The following KLHL7 variants were observed in gnomAD, a reference collection of about 807,000 sequenced individuals.
The protein encoded by KLHL7 is kelch-like protein 7.
Under a neutral mutation model 67.4 loss-of-function variants are expected in KLHL7, and 44 were observed. The observed-to-expected ratio is 0.65, with a 90% CI of 0.51 to 0.84. The LOEUF is 0.84. KLHL7 is among the 40% of genes least tolerant of loss of function. KLHL7 has a pLI of 0.00. For synonymous variants in KLHL7, 252 were observed against 243.3 expected (o/e 1.04, Z -0.33); for missense variants, 362 against 718.1 (o/e 0.50, Z 5.67).
chr7:23,125,587 A>G (rs747845524), intron 4 of KLHL7, among the ~76,000 whole-genome samples: 4 of 152,202 alleles, frequency 2.6e-5, no homozygotes, highest in African/African-American at 4.8e-5. Flanking sequence ...ACGAGCTGGG[A>G]TTGGAACTCA....
intron 1 of KLHL7, among the ~76,000 whole-genome samples, chr7:23,111,380 G>A (rs1782863656): frequency 6.6e-6 from 1 of 152,224 alleles, no homozygotes; most frequent in South Asian, 2.1e-4. Flanking sequence ...GATGGTTCTA[G>A]ATGAAACTGG....
In KLHL7 at chr7:23,138,436, T is replaced by C. The variant is rs1453542999; in HGVS notation, c.443-2333T>C. 1.0e-4 allele frequency among the ~76,000 whole-genome samples: 11 copies of C among 106,382 alleles called. No individual in the cohort carries two copies. In the South Asian group the frequency reaches 2.4e-3, roughly 23 times the overall value. 69.8% of individuals were successfully genotyped at this position (106,382 alleles called of 152,430 possible). A position where few individuals can be genotyped will look rare whatever the true frequency, so the allele number is the denominator to read the frequency against. On this transcript the variant is annotated intron_variant, in intron 4 of 10. Coordinates refer to ENST00000339077, the MANE Select transcript of KLHL7 (RefSeq NM_001031710.3). ...GAGATCGGGCCACTGCACTCCAGCC[T>C]GGGCGACAGAGCAAGACTCCATCTT...
intron 1 of KLHL7, chr7:23,118,022 T>C (rs1783169971): frequency 6.3e-7 from 1 of 1,593,850 alleles, no homozygotes; most frequent in Non-Finnish European, 8.6e-7. Flanking sequence ...CGTGGGGCAG[T>C]TGACTGCATG....
chr7:23,150,495 TTTA>T (rs1784497765), intron 6 of KLHL7, among the ~76,000 whole-genome samples: 2 of 152,162 alleles, frequency 1.3e-5, no homozygotes, highest in Non-Finnish European at 2.9e-5. Context: ...TTCCATATTA[TTTA>T]TTGGAGATCA....
chr7:23,172,783 A>C (rs1785202767), intron 9 of KLHL7, 165 bp from the exon 10 acceptor site: 1 of 595,346 alleles, frequency 1.7e-6, no homozygotes, highest in Admixed American at 2.6e-5. Context: ...ATTACCCATA[A>C]TCATTGTTCA....
At position 23,174,910 on chromosome 7, in the gene KLHL7, T is replaced by C. The variant is rs1295677706; in HGVS notation, c.*612T>C. The C allele has an allele frequency of 4.4e-6, 2 of 454,500 alleles. No homozygotes were observed. The highest frequency in any genetic ancestry group is 1.6e-5 in the South Asian group (1 of 64,466). 28.2% of individuals were successfully genotyped at this position (454,500 alleles called of 1,614,324 possible). On this transcript the variant is annotated 3_prime_UTR_variant, in exon 11 of 11. Transcript: ENST00000339077. ...AATATGTCCAACTCCTCATGAAATA[T>C]ATTCAATCCACTTAAATATATTCCA... is the stretch of plus-strand genomic sequence containing the variant.
intron 1 of KLHL7, chr7:23,117,850 C>T (rs1372090437): frequency 1.9e-6 from 3 of 1,612,378 alleles, no homozygotes; most frequent in Admixed American, 3.3e-5. Flanking sequence ...AAATCTACCA[C>T]CCAGCTGTAG....
At chr7:23,128,533 A>G (rs1783672733) in intron 4 of KLHL7, among the ~76,000 whole-genome samples, 1 of 151,884 alleles carries the variant, frequency 6.6e-6, no homozygotes, top group Non-Finnish European at 1.5e-5. Context: ...GATATATTCT[A>G]GTGATATTTT....
At chr7:23,146,777 T>C (rs1403845839) in intron 6 of KLHL7, among the ~76,000 whole-genome samples, 1 of 152,006 alleles carries the variant, frequency 6.6e-6, no homozygotes, top group African/African-American at 2.4e-5. Flanking sequence ...ATTGAAAAAT[T>C]CATTTTTTCC....
At position 23,165,892 on chromosome 7, in the gene KLHL7, A is replaced by G; in HGVS notation, c.1131A>G (p.Ala377=). 2 of 1,614,186 alleles carry G rather than the reference A, an allele frequency of 1.2e-6. No homozygotes were observed. The highest frequency in any genetic ancestry group is 1.7e-6 in the Non-Finnish European group (2 of 1,179,998). ...CGACACCTCGAGACAGCCTTGCTGC[A>G]TGTGCTGCAGAAGGCAAAATTTATA... is the stretch of plus-strand genomic sequence containing the variant. ...GPPTPRDSLA[A]CAAEGKIYTS... is the part of the protein sequence containing the mutation. The change falls in exon 8 of 11, where the codon GCA becomes GCG. Residue 377 remains alanine (A), a synonymous_variant. Coordinates refer to ENST00000339077, the MANE Select transcript of KLHL7 (RefSeq NM_001031710.3).
intron 4 of KLHL7, among the ~76,000 whole-genome samples, chr7:23,132,400 G>A (rs1783833497): frequency 6.6e-6 from 1 of 152,162 alleles, no homozygotes; most frequent in Admixed American, 6.5e-5. Flanking sequence ...TTTCTCTGAT[G>A]ATCAAGGATG....
At chr7:23,150,373 A>C (rs561620835) in intron 6 of KLHL7, among the ~76,000 whole-genome samples, 88 of 152,252 alleles carry the variant, frequency 5.8e-4, no homozygotes, top group African/African-American at 2.1e-3. Flanking sequence ...ATTTACTTAT[A>C]TATCCATGTA....
chr7:23,123,768 T>C lies in KLHL7; in HGVS notation c.121-9T>C. ...CTCTTTTTATTTTATGTATTTTTCC[T>C]TTGATTAGAAAACGTTGTGTGACGT... On this transcript the variant is annotated splice_polypyrimidine_tract_variant and intron_variant, in intron 1 of 10. Coordinates refer to ENST00000339077, the MANE Select transcript of KLHL7 (RefSeq NM_001031710.3). The C allele has an allele frequency of 1.3e-6, 2 of 1,598,804 alleles. No individual in the cohort carries two copies. Among genetic ancestry groups the C allele is most frequent in the Non-Finnish European group, 1.7e-6 (2 of 1,166,316 alleles).
At chr7:23,139,238 T>G (rs1408603831) in intron 4 of KLHL7, among the ~76,000 whole-genome samples, 1 of 152,202 alleles carries the variant, frequency 6.6e-6, no homozygotes, top group Non-Finnish European at 1.5e-5. Context: ...AAAATGAAGT[T>G]TATTTTAAAA....
At chr7:23,132,637 T>A (rs923338440) in intron 4 of KLHL7, among the ~76,000 whole-genome samples, 5 of 152,198 alleles carry the variant, frequency 3.3e-5, no homozygotes, top group Non-Finnish European at 7.3e-5. Flanking sequence ...GTGCAGAAGC[T>A]TTTTAACTTG....
chr7:23,125,410 A>G (rs562705280), intron 4 of KLHL7, among the ~76,000 whole-genome samples: 7 of 152,336 alleles, frequency 4.6e-5, no homozygotes, highest in Middle Eastern at 3.4e-3. Context: ...GGCATTTTTA[A>G]TGGTTTTTCA....
intron 4 of KLHL7, chr7:23,129,366 G>A: frequency 2.6e-6 from 1 of 377,774 alleles, no homozygotes. Context: ...TCTTGACCAA[G>A]GGAAACTCAT....
chr7:23,163,467 C>T (rs1026697756), intron 7 of KLHL7, among the ~76,000 whole-genome samples: 7 of 152,262 alleles, frequency 4.6e-5, no homozygotes, highest in East Asian at 1.9e-4. Flanking sequence ...CCACCACATC[C>T]GGCCCGAAGC....
chr7:23,163,979 C>A (rs1309924250), intron 7 of KLHL7, among the ~76,000 whole-genome samples: 1 of 152,162 alleles, frequency 6.6e-6, no homozygotes, highest in Non-Finnish European at 1.5e-5. Flanking sequence ...CATCTTCTTG[C>A]TAACATGAGA....
Sources: gnomAD v4.1 joint callset for allele counts (sites outside exome capture counted in the v4.1 genomes callset) on GRCh38, gnomAD v4.1.1 for gene constraint, MANE v1.5 for transcripts, NCBI Gene and HGNC (gene_info 2026-07-23, HGNC 2026-07-21) for gene names.